Variants in DLGAP2 observed in about 807,000 individuals in gnomAD.
The protein encoded by DLGAP2 is disks large-associated protein 2.
DLGAP2 carries 26 observed loss-of-function variants against 100.3 expected under a neutral mutation model. The ratio of observed to expected loss-of-function variants is 0.26; its 90% CI spans 0.19 to 0.36. The LOEUF is 0.36. Among genes scored for constraint, DLGAP2 ranks in the 10% least tolerant of loss-of-function variants. The probability of loss-of-function intolerance (pLI) is 1.00; values close to 1 mark genes in which losing one functional copy is unlikely to be tolerated. For synonymous variants in DLGAP2, 886 were observed against 630.1 expected, an observed-to-expected ratio of 1.41 and a Z score of -6.08; for missense variants, 1,858 against 1,453.2, an observed-to-expected ratio of 1.28 and a Z score of -4.53.
intron 3 of DLGAP2, among the ~76,000 whole-genome samples, chr8:1,419,357 T>G (rs1230505128): frequency 9.3e-6 from 1 of 107,086 alleles, no homozygotes; most frequent in Non-Finnish European, 1.8e-5. Context: ...GTGTGTAGGT[T>G]TTGTTTTCCT....
At chr8:1,532,748 A>G (rs564763985) in intron 4 of DLGAP2, among the ~76,000 whole-genome samples, 3 of 152,322 alleles carry the variant, frequency 2.0e-5, no homozygotes, top group Admixed American at 2.0e-4. Context: ...CGGGTTTGTG[A>G]AAATACTCTT....
intron 3 of DLGAP2, among the ~76,000 whole-genome samples, chr8:1,413,266 G>A (rs940400151): frequency 2.0e-5 from 3 of 152,116 alleles, no homozygotes; most frequent in Non-Finnish European, 4.4e-5. Context: ...GTAAATAAAG[G>A]AAGAAGCATA....
intron 6 of DLGAP2, among the ~76,000 whole-genome samples, chr8:1,583,845 C>T (rs1796028631): frequency 1.3e-5 from 2 of 152,074 alleles, no homozygotes; most frequent in Middle Eastern, 3.2e-3. Flanking sequence ...GCAGATCCTT[C>T]GTGATCTGCC....
intron 3 of DLGAP2, among the ~76,000 whole-genome samples, chr8:1,374,142 C>T (rs1439906784): frequency 2.0e-5 from 3 of 149,760 alleles, no homozygotes; most frequent in Non-Finnish European, 4.4e-5. Flanking sequence ...TTACAGAGGG[C>T]TGTGTAGTGT....
chr8:1,246,131 A>T (rs182699219), intron 2 of DLGAP2, among the ~76,000 whole-genome samples: 59 of 152,324 alleles, frequency 3.9e-4, no homozygotes, highest in Admixed American at 2.9e-3. Flanking sequence ...TAGGATTCCC[A>T]TAGGTGTCTT....
intron 3 of DLGAP2, among the ~76,000 whole-genome samples, chr8:1,263,902 G>A (rs1047820864): frequency 1.3e-5 from 2 of 152,064 alleles, no homozygotes; most frequent in Admixed American, 6.5e-5. Context: ...AGTGATTATT[G>A]TTGCTTAAGA....
At chr8:1,052,630 G>T (rs1178187814) in intron 2 of DLGAP2, among the ~76,000 whole-genome samples, 1 of 152,174 alleles carries the variant, frequency 6.6e-6, no homozygotes, top group Non-Finnish European at 1.5e-5. Context: ...ATTAGCTTCT[G>T]TAGGAACAAA....
At chr8:1,428,422 G>C (rs1797298425) in intron 3 of DLGAP2, among the ~76,000 whole-genome samples, 1 of 152,140 alleles carries the variant, frequency 6.6e-6, no homozygotes, top group Non-Finnish European at 1.5e-5. Context: ...CCTTGAGAGA[G>C]AGAGAGAGAA....
chr8:1,195,720 C>T (rs936865638), intron 2 of DLGAP2, among the ~76,000 whole-genome samples: 1 of 152,074 alleles, frequency 6.6e-6, no homozygotes, highest in Non-Finnish European at 1.5e-5. Flanking sequence ...TATGTCAGAA[C>T]GTTTGTTTAA....
At chr8:1,174,741 CATT>C (rs1275657620) in intron 2 of DLGAP2, among the ~76,000 whole-genome samples, 1 of 152,138 alleles carries the variant, frequency 6.6e-6, no homozygotes, top group Non-Finnish European at 1.5e-5. Flanking sequence ...TGACCAAAAT[CATT>C]ATCATCATTA....
chr8:778,715 C>T (rs1029580848), intron 1 of DLGAP2, among the ~76,000 whole-genome samples: 2 of 152,214 alleles, frequency 1.3e-5, no homozygotes, highest in Admixed American at 6.5e-5. Flanking sequence ...TCTCCAGCTG[C>T]GTACTGGGAG....
chr8:1,101,847 G>A (rs9773927), intron 2 of DLGAP2, among the ~76,000 whole-genome samples: 34 of 47,160 alleles, frequency 7.2e-4, no homozygotes, highest in African/African-American at 2.4e-3. Flanking sequence ...CCCCTGAGCC[G>A]AACACAACAC....
chr8:904,113 C>T (rs1307672205), intron 1 of DLGAP2, among the ~76,000 whole-genome samples: 1 of 152,266 alleles, frequency 6.6e-6, no homozygotes, highest in Admixed American at 6.5e-5. Context: ...ACGTGTCTGA[C>T]ATCCACTGCA....
intron 10 of DLGAP2, among the ~76,000 whole-genome samples, chr8:1,671,679 C>T (rs1378405476): frequency 1.3e-5 from 2 of 152,378 alleles, no homozygotes; most frequent in African/African-American, 4.8e-5. Context: ...CCTCAGCTCA[C>T]ACCTCCTATG....
At chr8:1,083,603 C>T (rs1473877105) in intron 2 of DLGAP2, among the ~76,000 whole-genome samples, 1 of 152,114 alleles carries the variant, frequency 6.6e-6, no homozygotes, top group African/African-American at 2.4e-5. Context: ...ATTATGCTAA[C>T]TGATGTAGTG....
chr8:1,690,225 A>T (rs1245866113), intron 12 of DLGAP2, among the ~76,000 whole-genome samples: 4 of 151,840 alleles, frequency 2.6e-5, no homozygotes, highest in Non-Finnish European at 5.9e-5. Flanking sequence ...GCATGGTGGC[A>T]TGCACCTGTA....
At chr8:858,112 C>A (rs915458456) in intron 1 of DLGAP2, among the ~76,000 whole-genome samples, 1 of 152,198 alleles carries the variant, frequency 6.6e-6, no homozygotes, top group African/African-American at 2.4e-5. Flanking sequence ...CCGCCTTGGC[C>A]CTCCAGAGTG....
chr8:1,383,412 A>T (rs927400901), intron 3 of DLGAP2, among the ~76,000 whole-genome samples: 1 of 152,248 alleles, frequency 6.6e-6, no homozygotes, highest in Non-Finnish European at 1.5e-5. Flanking sequence ...TCAGACTTTT[A>T]TACAGAGATT....
intron 3 of DLGAP2, among the ~76,000 whole-genome samples, chr8:1,323,070 A>C (rs1800942858): frequency 6.7e-6 from 1 of 148,654 alleles, no homozygotes; most frequent in African/African-American, 2.5e-5. Flanking sequence ...TCGCTCTGTT[A>C]CCCAGACTGG....
Sources: gnomAD v4.1 joint callset for allele counts (sites outside exome capture counted in the v4.1 genomes callset) on GRCh38, gnomAD v4.1.1 for gene constraint, MANE v1.5 for transcripts, NCBI Gene and HGNC (gene_info 2026-07-23, HGNC 2026-07-21) for gene names.